CYP46A1: variants seen among roughly 807,000 people sequenced by gnomAD.
CYP46A1 encodes the protein cytochrome P450 family 46 subfamily A member 1.
Under a neutral mutation model 63.3 loss-of-function variants are expected in CYP46A1, and 20 were observed. That is an observed-to-expected ratio of 0.32 (90% CI 0.22 to 0.46). CYP46A1 has a LOEUF of 0.46. CYP46A1 is among the 20% of genes least tolerant of loss of function. The pLI is 1.00. For synonymous variants in CYP46A1, 268 were observed against 273.6 expected (o/e 0.98, Z 0.20); for missense variants, 445 against 670.8 (o/e 0.66, Z 3.72).
intron 6 of CYP46A1, 66 bp downstream of exon 6, chr14:99,706,851 C>CCTCTTCCCTTCT: frequency 2.6e-6 from 4 of 1,552,188 alleles, no homozygotes; most frequent in Non-Finnish European, 3.5e-6. Context: ...CTCTTCTCTC[C>CCTCTTCCCTTCT]CTCTTCCCTT....
At chr14:99,685,087 A>AC (rs2056479893) in intron 1 of CYP46A1, among the ~76,000 whole-genome samples, 1 of 4,606 alleles carries the variant, frequency 2.2e-4, no homozygotes, top group Non-Finnish European at 6.2e-4. Flanking sequence ...TCAACTTGCC[A>AC]ACCCCCCCCC....
At chr14:99,721,876 G>A (rs1414592406) in intron 11 of CYP46A1, 80 bp from the exon 12 acceptor site, 8 of 1,173,106 alleles carry the variant, frequency 6.8e-6, no homozygotes, top group Non-Finnish European at 7.5e-6. Context: ...GAAAGACAGG[G>A]GTCCCAGGCA....
At position 99,716,020 on chromosome 14, in the gene CYP46A1, G is replaced by C. The variant is rs1432626064; in HGVS notation, c.844+60G>C. 4 of 1,603,856 alleles carry C rather than the reference G, an allele frequency of 2.5e-6. No individual in the cohort carries two copies. The East Asian group carries it at 8.9e-5, about 36-fold the overall frequency. On this transcript the variant is annotated intron_variant, in intron 8 of 14. Coordinates refer to ENST00000261835, the MANE Select transcript of CYP46A1 (RefSeq NM_006668.2). ...GGGTGGGCCAGGACGTTCCCCAGGT[G>C]ATACATCGCCACTGACTCTGTTTGG...
Position 99,691,770 on chromosome 14 carries a change from T to C in CYP46A1, c.201-10T>C. ...GTTGACAGTTTCCTTCGGGTCACTT[T>C]GGTTTCCAGGGCTAAGAAGTATGGA... On this transcript the variant is annotated splice_polypyrimidine_tract_variant and intron_variant, in intron 2 of 14. Transcript: ENST00000261835. 6.8e-6 allele frequency: 11 copies of C among 1,614,156 alleles called. No homozygotes were observed. The highest frequency in any genetic ancestry group is 9.3e-6 in the Non-Finnish European group (11 of 1,179,984).
At position 99,726,718 on chromosome 14, in the gene CYP46A1, C is replaced by G; in HGVS notation, c.1494C>G (p.Pro498=). 6.5e-7 allele frequency: 1 copy of G among 1,530,164 alleles called. No homozygotes were observed. The allele number at this position is 1,530,164 out of a possible 1,614,324, so 94.8% of individuals were successfully genotyped here. ...GCTGGCAGCCCGCACCCCCACCACC[C>G]CCCTGCTGAGGGGGCCTCCAGGCAG... is the stretch of plus-strand genomic sequence containing the variant. The part of the protein sequence containing the change: ...PRGWQPAPPP[P]PC The change falls in exon 15 of 15, where the codon CCC becomes CCG. Residue 498 remains proline (P), a synonymous_variant. Coordinates refer to ENST00000261835, the MANE Select transcript of CYP46A1 (RefSeq NM_006668.2).
At chr14:99,688,150 G>A (rs1247986362) in intron 1 of CYP46A1, among the ~76,000 whole-genome samples, 2 of 152,020 alleles carry the variant, frequency 1.3e-5, no homozygotes, top group African/African-American at 2.4e-5. Context: ...TCAAAACTGA[G>A]AACATTCCCC....
intron 7 of CYP46A1, chr14:99,711,250 TAGAAA>T (rs2056728677): frequency 6.6e-6 from 1 of 151,924 alleles, no homozygotes; most frequent in African/African-American, 2.4e-5. Context: ...CTCAAGGAAT[TAGAAA>T]AGCAAGAACA....
At position 99,691,175 on chromosome 14, in the gene CYP46A1, T is replaced by G. The variant is rs753591569; in HGVS notation, c.200+14T>G. 2.9e-5 allele frequency: 47 copies of G among 1,613,740 alleles called. No individual in the cohort carries two copies. The highest frequency in any genetic ancestry group is 3.9e-5 in the Non-Finnish European group (46 of 1,179,844). ...GTTTTTGGATTGGTGGGTTCTCATT[T>G]GTCACTTGTTGCCCTTACTCCAGGT... On this transcript the variant is annotated intron_variant, in intron 2 of 14. Coordinates refer to ENST00000261835, the MANE Select transcript of CYP46A1 (RefSeq NM_006668.2).
chr14:99,704,727 T>C (rs2056660681), intron 5 of CYP46A1, among the ~76,000 whole-genome samples: 1 of 152,324 alleles, frequency 6.6e-6, no homozygotes, highest in African/African-American at 2.4e-5. Context: ...CAAATAAATA[T>C]ATACTTGCCA....
intron 7 of CYP46A1, 155 bp downstream of exon 7, chr14:99,707,833 T>A: frequency 1.6e-6 from 1 of 616,812 alleles, no homozygotes; most frequent in Non-Finnish European, 2.8e-6. Context: ...TTGCATGCAT[T>A]GCCTAAAGTA....
rs1295915907 is a variant in CYP46A1 at position 99,722,383 on chromosome 14, G to A, written c.1176+317G>A. On this transcript the variant is annotated intron_variant, in intron 12 of 14. Transcript: ENST00000261835. The surrounding 1 kb of genome is among the most constrained non-coding windows in gnomAD (Gnocchi z 4.6). ...CTGGTGAAAAGCAGATATGGAAATT[G>A]CCCAGTTTCACAGTTGACCCAAACT... 6.6e-6 allele frequency among the ~76,000 whole-genome samples: 1 copy of A among 152,146 alleles called. No individual in the cohort carries two copies. The highest frequency in any genetic ancestry group is 1.9e-4 in the East Asian group (1 of 5,198).
intron 1 of CYP46A1, among the ~76,000 whole-genome samples, chr14:99,688,306 C>T (rs1358267209): frequency 1.3e-5 from 2 of 152,178 alleles, no homozygotes; most frequent in Non-Finnish European, 2.9e-5. Flanking sequence ...AGGCGGCCAC[C>T]CCGTACTTCC....
Position 99,725,392 on chromosome 14 carries a change from T to A in CYP46A1, c.1178T>A (p.Phe393Tyr). The stretch of plus-strand genomic sequence containing the variant: ...GATGAGCGGACCCTTTGCCCGCAGT[T>A]CAGCACCTATGTCATGGGGCGGATG... The part of the protein sequence containing the change: ...VRVPGNTPLL[F>Y]STYVMGRMDT... Residue 393 changes from phenylalanine (F) to tyrosine (Y), a missense_variant and splice_region_variant, in exon 13 of 15, where the codon TTC (phenylalanine) becomes TAC (tyrosine). Around this residue, in one of 4 missense-constraint regions of CYP46A1, gnomAD observed 95 missense variants for 156.9 expected, o/e 0.61. Transcript: ENST00000261835. This position sits in a 1 kb window ranked among gnomAD's most constrained non-coding sequence, Gnocchi z 4.2. 1.9e-6 allele frequency: 3 copies of A among 1,613,974 alleles called. No homozygotes were observed. Among genetic ancestry groups the A allele is most frequent in the Non-Finnish European group, 2.5e-6 (3 of 1,179,896 alleles).
intron 1 of CYP46A1, 120 bp downstream of exon 1, chr14:99,684,656 G>A (rs1357650374): frequency 1.1e-5 from 9 of 824,976 alleles, no homozygotes; most frequent in Admixed American, 2.2e-5. Context: ...GCCGCTGGGA[G>A]TCGGCGGCCC....
At chr14:99,713,933 G>T (rs1030757851) in intron 7 of CYP46A1, among the ~76,000 whole-genome samples, 6 of 148,944 alleles carry the variant, frequency 4.0e-5, no homozygotes, top group African/African-American at 7.4e-5. Flanking sequence ...AACTAAAAAG[G>T]TTCCGCACAG....
At chr14:99,707,504 C>A (rs1361973695) in intron 6 of CYP46A1, 64 bp from the exon 7 acceptor site, 3 of 1,337,678 alleles carry the variant, frequency 2.2e-6, no homozygotes, top group African/African-American at 2.9e-5. Context: ...TGATGCCAGG[C>A]TTTGCCCTGG....
Position 99,726,801 on chromosome 14 carries a change from A to C in CYP46A1, c.*74A>C, listed in dbSNP as rs1595212564. 2.4e-6 allele frequency: 3 copies of C among 1,239,208 alleles called. No homozygotes were observed. The highest frequency in any genetic ancestry group is 2.1e-6 in the Non-Finnish European group (2 of 936,324). 76.8% of individuals were successfully genotyped at this position (1,239,208 alleles called of 1,614,324 possible). A position where few individuals can be genotyped will look rare whatever the true frequency, so the allele number is the denominator to read the frequency against. On this transcript the variant is annotated 3_prime_UTR_variant, in exon 15 of 15. Transcript: ENST00000261835. ...CCACCTCTGCTGCCCACGGCCACCC[A>C]CCCTTCTCCCCTGCCCCGTCCCCTG... is the stretch of plus-strand genomic sequence containing the variant.
rs777623385 is a variant in CYP46A1 at position 99,724,348 on chromosome 14, G to A, written c.1177-1043G>A. Among the ~76,000 whole-genome samples, 25 of 152,254 alleles carry A rather than the reference G, an allele frequency of 1.6e-4. No homozygotes were observed. The Middle Eastern group carries it at 0.014, about 83-fold the overall frequency. The stretch of plus-strand genomic sequence containing the variant: ...CCCTCTCCTCCCAGGGTTCTGCCCT[G>A]CCTCCTCCAGCATCCATCCAAGCCT... On this transcript the variant is annotated intron_variant, in intron 12 of 14. Transcript: ENST00000261835.
At chr14:99,695,562 C>A in intron 3 of CYP46A1, 1 of 211,188 alleles carries the variant, frequency 4.7e-6, no homozygotes, top group Admixed American at 5.0e-5. Context: ...TAATAACATT[C>A]TTTACTCCAA....
Sources: allele counts gnomAD v4.1 joint callset (sites outside exome capture counted in the v4.1 genomes callset), GRCh38; gene constraint gnomAD v4.1.1; regional missense constraint gnomAD v4.1.1; non-coding constraint Gnocchi (gnomAD v3.1); transcripts MANE v1.5; gene names NCBI Gene and HGNC (gene_info 2026-07-23, HGNC 2026-07-21).